The following COMMD10 variants were observed in gnomAD, a reference collection of about 807,000 sequenced individuals.
COMMD10 encodes COMM domain containing 10.
A neutral mutation model predicts 28.9 loss-of-function variants in COMMD10; 33 were observed. The observed-to-expected ratio is 1.14, with a 90% CI of 0.87 to 1.53. The LOEUF (loss-of-function observed/expected upper bound fraction) is 1.53. Ranked by LOEUF, COMMD10 falls within the 40% of genes most tolerant of loss-of-function variation. The pLI is 0.00. For synonymous variants in COMMD10, 110 were observed against 81.7 expected (o/e 1.35, Z -1.87); for missense variants, 310 against 233.4 (o/e 1.33, Z -2.14).
At chr5:116,220,941 G>A (rs1294098011) in intron 5 of COMMD10, among the ~76,000 whole-genome samples, 1 of 152,114 alleles carries the variant, frequency 6.6e-6, no homozygotes, top group Admixed American at 6.5e-5. Flanking sequence ...GGTGAGGCTT[G>A]CTCTCTGGTC....
chr5:116,273,978 CTAA>C (rs1251647518), intron 5 of COMMD10, among the ~76,000 whole-genome samples: 2 of 151,510 alleles, frequency 1.3e-5, no homozygotes, highest in African/African-American at 4.9e-5. Flanking sequence ...TCAGTCATTA[CTAA>C]TGTCATAAAA....
chr5:116,139,956 T>C (rs994892712), intron 5 of COMMD10, among the ~76,000 whole-genome samples: 4 of 151,782 alleles, frequency 2.6e-5, no homozygotes, highest in African/African-American at 9.7e-5. Flanking sequence ...TCATTAATTA[T>C]AGTCCTGATG....
Position 116,169,746 on chromosome 5 carries a change from TATCTC to T in COMMD10, c.510+35570_510+35574del, listed in dbSNP as rs1263473616. 2.6e-5 allele frequency among the ~76,000 whole-genome samples: 4 copies of T among 152,308 alleles called. No homozygotes were observed. The East Asian group carries it at 7.7e-4, about 29-fold the overall frequency. ...GAACCAATGACAAAAACCACATTAT[TATCTC>T]AATAGATGTAGAAAAGGCCTTCGAT... On this transcript the variant is annotated intron_variant, in intron 5 of 6. Coordinates refer to ENST00000274458, the MANE Select transcript of COMMD10 (RefSeq NM_016144.4).
intron 5 of COMMD10, among the ~76,000 whole-genome samples, chr5:116,256,917 A>C (rs1032398951): frequency 6.6e-6 from 1 of 151,590 alleles, no homozygotes; most frequent in African/African-American, 2.4e-5. Context: ...CTGATAAACA[A>C]CTCTTTTATT....
intron 5 of COMMD10, among the ~76,000 whole-genome samples, chr5:116,234,263 A>C (rs1580569581): frequency 6.6e-6 from 1 of 152,230 alleles, no homozygotes; most frequent in East Asian, 1.9e-4. Context: ...AAGGAAAGAC[A>C]GAGAAAGCCA....
At position 116,146,964 on chromosome 5, in the gene COMMD10, A is replaced by C. The variant is rs140048950; in HGVS notation, c.510+12786A>C. Among the ~76,000 whole-genome samples the C allele has an allele frequency of 5.3e-5, 8 of 152,018 alleles. No individual in the cohort carries two copies. The East Asian group carries it at 1.2e-3, about 22-fold the overall frequency. On this transcript the variant is annotated intron_variant, in intron 5 of 6. Transcript: ENST00000274458. ...GCAACCTTTCAGAAATGCCATGTCC[A>C]TATTTTAAAAAACTAAAATGCTTTA...
At chr5:116,254,282 T>G (rs867022530) in intron 5 of COMMD10, among the ~76,000 whole-genome samples, 1 of 152,058 alleles carries the variant, frequency 6.6e-6, no homozygotes, top group Non-Finnish European at 1.5e-5. Flanking sequence ...AAGGTTTTTT[T>G]GTGTCTGTAT....
intron 5 of COMMD10, among the ~76,000 whole-genome samples, chr5:116,273,011 G>T (rs1561403413): frequency 1.3e-5 from 2 of 151,714 alleles, no homozygotes; most frequent in Non-Finnish European, 2.9e-5. Context: ...TTTGGGCATT[G>T]TCTCCATCAA....
chr5:116,213,380 A>G (rs187900849), intron 5 of COMMD10, among the ~76,000 whole-genome samples: 2 of 152,214 alleles, frequency 1.3e-5, no homozygotes, highest in East Asian at 3.9e-4. Flanking sequence ...GTCTCAGCAA[A>G]ATGATAAATT....
At chr5:116,211,978 A>G (rs1271300209) in intron 5 of COMMD10, among the ~76,000 whole-genome samples, 4 of 152,300 alleles carry the variant, frequency 2.6e-5, no homozygotes, top group African/African-American at 9.6e-5. Context: ...TGTGTCAAGT[A>G]ATGATAATAC....
chr5:116,258,492 G>C (rs1249718472), intron 5 of COMMD10, among the ~76,000 whole-genome samples: 4 of 151,268 alleles, frequency 2.6e-5, no homozygotes, highest in African/African-American at 9.8e-5. Context: ...ATAATTCTTA[G>C]ATTGTATCTG....
chr5:116,259,843 A>G (rs1181485676), intron 5 of COMMD10, among the ~76,000 whole-genome samples: 1 of 151,580 alleles, frequency 6.6e-6, no homozygotes, highest in Non-Finnish European at 1.5e-5. Flanking sequence ...ATTTGGGAGA[A>G]TGTACTCCTG....
intron 5 of COMMD10, among the ~76,000 whole-genome samples, chr5:116,182,962 C>T (rs371203901): frequency 1.3e-5 from 2 of 152,056 alleles, no homozygotes; most frequent in East Asian, 3.9e-4. Context: ...ATCCTGCCAC[C>T]CTGTGAAGAA....
intron 5 of COMMD10, among the ~76,000 whole-genome samples, chr5:116,287,840 T>G (rs1751258694): frequency 6.6e-6 from 1 of 151,810 alleles, no homozygotes; most frequent in African/African-American, 2.4e-5. Flanking sequence ...ATGAAAACTT[T>G]CTCCTTTACT....
chr5:116,230,980 G>A (rs1749515137), intron 5 of COMMD10, among the ~76,000 whole-genome samples: 1 of 152,244 alleles, frequency 6.6e-6, no homozygotes, highest in African/African-American at 2.4e-5. Context: ...TAATTGTGGG[G>A]AGTGGGGATA....
chr5:116,272,396 G>A (rs1026348594), intron 5 of COMMD10, among the ~76,000 whole-genome samples: 1 of 151,852 alleles, frequency 6.6e-6, no homozygotes, highest in African/African-American at 2.4e-5. Context: ...TAGTGGAGGA[G>A]GACTCTAGTG....
At chr5:116,245,409 A>C (rs72806920) in intron 5 of COMMD10, among the ~76,000 whole-genome samples, 8,043 of 152,232 alleles carry the variant, frequency 0.053, 298 homozygotes, top group East Asian at 0.14. Context: ...GAATTCTCCC[A>C]GATGTATGAA....
chr5:116,157,568 C>A (rs1177470681), intron 5 of COMMD10, among the ~76,000 whole-genome samples: 1 of 152,154 alleles, frequency 6.6e-6, no homozygotes, highest in South Asian at 2.1e-4. Flanking sequence ...TGGTACAGAA[C>A]AGGCACACCG....
intron 5 of COMMD10, among the ~76,000 whole-genome samples, chr5:116,216,053 C>G (rs1279460661): frequency 2.0e-5 from 3 of 152,078 alleles, no homozygotes; most frequent in South Asian, 4.1e-4. Context: ...AACAGTTGTT[C>G]TGAAGTAAAA....
Sources: allele counts gnomAD v4.1 joint callset (sites outside exome capture counted in the v4.1 genomes callset), GRCh38; gene constraint gnomAD v4.1.1; transcripts MANE v1.5; gene names NCBI Gene and HGNC (gene_info 2026-07-23, HGNC 2026-07-21).